Variants in ENPP3 observed in about 807,000 individuals in gnomAD.
ENPP3 encodes the protein ectonucleotide pyrophosphatase/phosphodiesterase family member 3.
In ENPP3, 104 loss-of-function variants were observed where a neutral mutation model predicts 117.8. The ratio of observed to expected loss-of-function variants is 0.88; its 90% CI spans 0.75 to 1.04. The LOEUF is 1.04. Among genes scored for constraint, ENPP3 ranks in the 50% least tolerant of loss-of-function variants. The probability of loss-of-function intolerance (pLI) is 0.00; values close to 1 mark genes in which losing one functional copy is unlikely to be tolerated. For synonymous variants in ENPP3, 380 were observed against 349.9 expected (o/e 1.09, Z -0.96); for missense variants, 1,026 against 1,051.9 (o/e 0.98, Z 0.34).
intron 7 of ENPP3, among the ~76,000 whole-genome samples, chr6:131,673,664 A>G (rs577469377): frequency 6.6e-6 from 1 of 151,978 alleles, no homozygotes; most frequent in Non-Finnish European, 1.5e-5. Context: ...GTACCCCCAA[A>G]CCTAAAATAA....
intron 6 of ENPP3, among the ~76,000 whole-genome samples, chr6:131,659,600 T>G (rs538270966): frequency 2.6e-5 from 4 of 152,294 alleles, no homozygotes; most frequent in African/African-American, 9.6e-5. Context: ...ATCTGATGAT[T>G]TCTACTGTTA....
At chr6:131,740,422 T>A (rs1302339294) in intron 24 of ENPP3, 42 bp downstream of exon 24, 3 of 1,408,676 alleles carry the variant, frequency 2.1e-6, no homozygotes, top group Non-Finnish European at 2.8e-6. Context: ...AGAAAATGAG[T>A]CAGAGCTCAT....
chr6:131,644,537 G>A (rs1327319502), intron 2 of ENPP3, among the ~76,000 whole-genome samples: 1 of 152,198 alleles, frequency 6.6e-6, no homozygotes, highest in Admixed American at 6.5e-5. Flanking sequence ...AATGACCCCA[G>A]AATTTTTGTA....
In ENPP3 at chr6:131,701,387, T is replaced by A. The variant is rs770222304; in HGVS notation, c.1412+7763T>A. On this transcript the variant is annotated intron_variant, in intron 15 of 24. Transcript: ENST00000357639. ...GTAGGAGGAACTCTCTGATGGATGT[T>A]ATATTGTCTCCCATATCCCTATGAC... is the stretch of plus-strand genomic sequence containing the variant. 26 of 1,613,880 alleles carry A rather than the reference T, an allele frequency of 1.6e-5. No homozygotes were observed. The African/African-American group carries it at 2.7e-4, about 17-fold the overall frequency.
Position 131,658,391 on chromosome 6 carries a change from A to C in ENPP3, c.533A>C (p.Asp178Ala). 1 of 1,590,486 alleles carries C rather than the reference A, an allele frequency of 6.3e-7. No individual in the cohort carries two copies. The highest frequency in any genetic ancestry group is 8.6e-7 in the Non-Finnish European group (1 of 1,158,782). Residue 178 changes from aspartate (D) to alanine (A), a missense_variant, in exon 6 of 25, where the codon GAT (aspartate) becomes GCT (alanine). Physicochemically the swap from Asp to Ala is moderately radical, Grantham distance 126. Coordinates refer to ENST00000357639, the MANE Select transcript of ENPP3 (RefSeq NM_005021.5). ...GFRAEYLYTW[D>A]TLMPNINKLK... ...AGAGCTGAATATTTATACACATGGG[A>C]TACTTTAATGCCAAATATCAATAAA...
At chr6:131,700,933 T>G in intron 15 of ENPP3, 3 of 713,346 alleles carry the variant, frequency 4.2e-6, no homozygotes, top group Non-Finnish European at 6.5e-6. Context: ...ACAAGATGAA[T>G]CAAGGATAAA....
At chr6:131,669,226 T>C (rs1444461084) in intron 6 of ENPP3, among the ~76,000 whole-genome samples, 2 of 152,238 alleles carry the variant, frequency 1.3e-5, no homozygotes, top group Non-Finnish European at 2.9e-5. Flanking sequence ...CAATATTAAA[T>C]GTCTTTCCTT....
At chr6:131,657,144 A>G (rs1778403035) in intron 5 of ENPP3, among the ~76,000 whole-genome samples, 1 of 152,200 alleles carries the variant, frequency 6.6e-6, no homozygotes, top group Admixed American at 6.5e-5. Context: ...CTGCAGTTCA[A>G]ACGGTCCCAG....
intron 2 of ENPP3, among the ~76,000 whole-genome samples, chr6:131,642,311 C>T (rs2114286705): frequency 6.6e-6 from 1 of 152,122 alleles, no homozygotes; most frequent in South Asian, 2.1e-4. Context: ...TTGGACAGTG[C>T]CAAATTCTTG....
At chr6:131,718,894 A>G (rs906764873) in intron 16 of ENPP3, among the ~76,000 whole-genome samples, 156 bp downstream of exon 16, 4 of 152,132 alleles carry the variant, frequency 2.6e-5, no homozygotes, top group Non-Finnish European at 4.4e-5. Flanking sequence ...GCTTTTTTAA[A>G]ACAGATATTT....
intron 3 of ENPP3, among the ~76,000 whole-genome samples, chr6:131,652,128 C>T (rs371480330): frequency 3.1e-4 from 47 of 152,366 alleles, no homozygotes; most frequent in African/African-American, 1.1e-3. Context: ...AAAGACATGA[C>T]TGTGCTCCTG....
At chr6:131,740,666 ATC>A (rs1031284053) in intron 24 of ENPP3, among the ~76,000 whole-genome samples, 11 of 152,230 alleles carry the variant, frequency 7.2e-5, no homozygotes, top group African/African-American at 1.4e-4. Flanking sequence ...AATCTTGTTA[ATC>A]TCTTTTTTCT....
chr6:131,690,878 A>G (rs1279166575), intron 14 of ENPP3, among the ~76,000 whole-genome samples: 1 of 152,008 alleles, frequency 6.6e-6, no homozygotes, highest in East Asian at 1.9e-4. Context: ...TGCTGAGTGG[A>G]TGCATAGTTC....
At chr6:131,659,200 C>T (rs1416718279) in intron 6 of ENPP3, among the ~76,000 whole-genome samples, 1 of 152,138 alleles carries the variant, frequency 6.6e-6, no homozygotes, top group Non-Finnish European at 1.5e-5. Flanking sequence ...GTAATCCTAG[C>T]ACTTTGGGAG....
chr6:131,658,223 A>C (rs1174107104), intron 5 of ENPP3, 100 bp from the exon 6 acceptor site: 3 of 685,688 alleles, frequency 4.4e-6, no homozygotes, highest in Non-Finnish European at 7.7e-6. Context: ...AAGTTACCCA[A>C]TTATTTTACC....
At chr6:131,665,866 C>A (rs1460261147) in intron 6 of ENPP3, among the ~76,000 whole-genome samples, 1 of 152,054 alleles carries the variant, frequency 6.6e-6, no homozygotes, top group Non-Finnish European at 1.5e-5. Flanking sequence ...ACTATAACTT[C>A]CATCTTAGAG....
intron 14 of ENPP3, 46 bp downstream of exon 14, chr6:131,685,953 G>A: frequency 1.7e-6 from 1 of 604,534 alleles, no homozygotes. Flanking sequence ...TTAATGCAAT[G>A]ACCTTAATCT....
At chr6:131,679,026 C>CTTCCTTCCTTCTTTCTTTCT (rs1562446870) in intron 11 of ENPP3, among the ~76,000 whole-genome samples, 6 of 47,856 alleles carry the variant, frequency 1.3e-4, no homozygotes, top group East Asian at 2.0e-3. Context: ...TCCTTCCTTC[C>CTTCCTTCCTTCTTTCTTTCT]TTCTTTCTTT....
chr6:131,671,963 G>A (rs1778752509), intron 7 of ENPP3, among the ~76,000 whole-genome samples: 1 of 152,138 alleles, frequency 6.6e-6, no homozygotes, highest in Non-Finnish European at 1.5e-5. Flanking sequence ...ATTACTTTGA[G>A]TTTTAATCTT....
Sources: gnomAD v4.1 joint callset for allele counts (sites outside exome capture counted in the v4.1 genomes callset) on GRCh38, gnomAD v4.1.1 for gene constraint, MANE v1.5 for transcripts, NCBI Gene and HGNC (gene_info 2026-07-23, HGNC 2026-07-21) for gene names.